The following PAH variants were observed in gnomAD, a reference collection of about 807,000 sequenced individuals.
PAH encodes the protein phenylalanine hydroxylase.
Under a neutral mutation model 62.0 loss-of-function variants are expected in PAH, and 64 were observed. The observed-to-expected ratio is 1.03, with a 90% CI of 0.84 to 1.27. The LOEUF (loss-of-function observed/expected upper bound fraction) is 1.27, where lower values mean the gene tolerates loss of function less well. Among genes scored for constraint, PAH ranks in the 50% most tolerant of loss-of-function variants. The probability of loss-of-function intolerance (pLI) is 0.00; values close to 1 mark genes in which losing one functional copy is unlikely to be tolerated. For missense variants in PAH, 579 were observed against 542.8 expected, an observed-to-expected ratio of 1.07 and a Z score of -0.66; for synonymous variants, 195 against 196.2, an observed-to-expected ratio of 0.99 and a Z score of 0.05.
chr12:102,883,104 T>C (rs1241521048), intron 3 of PAH, among the ~76,000 whole-genome samples: 1 of 152,138 alleles, frequency 6.6e-6, no homozygotes, highest in Non-Finnish European at 1.5e-5. Flanking sequence ...GGGTATTAGA[T>C]TTATCGGCGC....
chr12:102,934,139 A>AT (rs1437324605), intron 1 of PAH, among the ~76,000 whole-genome samples: 4 of 152,110 alleles, frequency 2.6e-5, no homozygotes, highest in Admixed American at 1.3e-4. Context: ...ATTCCTCTGC[A>AT]TATGAGTTTC....
chr12:102,952,922 G>A (rs1879811667), upstream of PAH, among the ~76,000 whole-genome samples: 1 of 152,212 alleles, frequency 6.6e-6, no homozygotes, highest in African/African-American at 2.4e-5. Flanking sequence ...GGCCCTCCAA[G>A]GCTGGTGCAG....
intron 1 of PAH, among the ~76,000 whole-genome samples, chr12:102,927,383 T>A (rs1355898823): frequency 1.3e-5 from 2 of 149,252 alleles, no homozygotes; most frequent in African/African-American, 2.5e-5. Flanking sequence ...ACTCACACAC[T>A]CTCTTGTGAT....
chr12:102,931,457 A>G (rs1878871810), intron 1 of PAH, among the ~76,000 whole-genome samples: 1 of 152,180 alleles, frequency 6.6e-6, no homozygotes, highest in Non-Finnish European at 1.5e-5. Flanking sequence ...GATGGTTAGG[A>G]AAGGAAGATG....
chr12:102,937,447 A>T (rs1325806872), intron 1 of PAH, among the ~76,000 whole-genome samples: 2 of 152,116 alleles, frequency 1.3e-5, no homozygotes, highest in African/African-American at 4.8e-5. Context: ...TGAGGGTACC[A>T]ATGAGGCTTC....
intron 3 of PAH, among the ~76,000 whole-genome samples, chr12:102,886,548 T>C (rs1384806631): frequency 6.6e-6 from 1 of 152,174 alleles, no homozygotes; most frequent in Non-Finnish European, 1.5e-5. Flanking sequence ...CATTGAGATC[T>C]GGTTACCTGT....
chr12:102,918,450 T>TAAAA (rs1555210075), upstream of PAH, among the ~76,000 whole-genome samples: 5 of 138,006 alleles, frequency 3.6e-5, no homozygotes, highest in African/African-American at 1.4e-4. Context: ...CATCTGAAAA[T>TAAAA]AAATAAACAA....
chr12:102,950,996 C>T (rs989220437), upstream of PAH: 1 of 151,116 alleles, frequency 6.6e-6, no homozygotes, highest in Admixed American at 6.6e-5. Context: ...AGAGGGAAGT[C>T]CGAGGAATGG....
chr12:102,840,580 T>A (rs190829690), intron 11 of PAH, 65 bp from the exon 12 acceptor site: 1 of 1,104,524 alleles, frequency 9.1e-7, no homozygotes, highest in African/African-American at 1.5e-5. Context: ...TTAAGAGAGT[T>A]CTCAGTGGCA....
At chr12:102,951,225 C>G (rs1020737837), upstream of PAH, among the ~76,000 whole-genome samples, 3 of 152,170 alleles carry the variant, frequency 2.0e-5, no homozygotes, top group Admixed American at 1.3e-4. Context: ...CACCCCGGGG[C>G]GCACTTTCGG....
At chr12:102,944,350 AC>A (rs778720300) in intron 1 of PAH, among the ~76,000 whole-genome samples, 46 of 151,666 alleles carry the variant, frequency 3.0e-4, no homozygotes, top group Non-Finnish European at 6.0e-4. Flanking sequence ...AAAACTTTCT[AC>A]CCCCATCTCT....
chr12:102,913,997 A>G lies in PAH; in HGVS notation c.61-1099T>C. The G allele has an allele frequency of 4.9e-6, 3 of 614,740 alleles. No individual in the cohort carries two copies. In the South Asian group the frequency reaches 6.0e-5, roughly 12 times the overall value. 38.1% of individuals were successfully genotyped at this position (614,740 alleles called of 1,614,324 possible). On this transcript the variant is annotated intron_variant, in intron 1 of 12. Transcript: ENST00000553106. ...TAAGCAAGTTAATGAAATTAATGGAATAGATGTTACATCATCTCAATGAGA... is the reference window on the plus strand; with the variant it reads ...TAAGCAAGTTAATGAAATTAATGGAGTAGATGTTACATCATCTCAATGAGA...
intron 1 of PAH, among the ~76,000 whole-genome samples, chr12:102,933,089 A>G (rs1878977597): frequency 6.6e-6 from 1 of 152,124 alleles, no homozygotes; most frequent in Non-Finnish European, 1.5e-5. Flanking sequence ...ATATCACTAT[A>G]TTTTTGTACC....
chr12:102,913,730 A>G, intron 1 of PAH: 1 of 685,264 alleles, frequency 1.5e-6, no homozygotes, highest in Non-Finnish European at 2.7e-6. Context: ...ATGAAAGTAC[A>G]CAAATAACCT....
At chr12:102,852,744 C>T in intron 7 of PAH, 71 bp downstream of exon 7, 1 of 1,598,094 alleles carries the variant, frequency 6.3e-7, no homozygotes, top group Non-Finnish European at 8.6e-7. Context: ...TGAACCCAAA[C>T]CTCATTCTTG....
intron 1 of PAH, chr12:102,945,099 C>A (rs1019243733): frequency 6.6e-6 from 1 of 152,234 alleles, no homozygotes; most frequent in African/African-American, 2.4e-5. Context: ...TGTTTTTAAT[C>A]CTTACTTCCT....
intron 2 of PAH, among the ~76,000 whole-genome samples, chr12:102,900,089 G>T (rs964293533): frequency 3.2e-5 from 4 of 123,332 alleles, no homozygotes; most frequent in Admixed American, 9.6e-5. Flanking sequence ...TTGCTCTGTC[G>T]CCCAGGCTGG....
chr12:102,892,551 A>G (rs1877319252), intron 3 of PAH, among the ~76,000 whole-genome samples: 1 of 152,262 alleles, frequency 6.6e-6, no homozygotes, highest in Admixed American at 6.5e-5. Flanking sequence ...GTCCTTCAAT[A>G]GGTGAATGAA....
chr12:102,882,671 TATATAA>T (rs1202818970), intron 3 of PAH, among the ~76,000 whole-genome samples: 4,052 of 42,540 alleles, frequency 0.095, 125 homozygotes, highest in African/African-American at 0.25. Context: ...TATATATATA[TATATAA>T]AATTTTTTTC....
Sources: allele counts gnomAD v4.1 joint callset (sites outside exome capture counted in the v4.1 genomes callset), GRCh38; gene constraint gnomAD v4.1.1; transcripts MANE v1.5; gene names NCBI Gene and HGNC (gene_info 2026-07-23, HGNC 2026-07-21).